Variants in BIRC6 observed in about 807,000 individuals in gnomAD.
BIRC6 encodes the protein dual E2 ubiquitin-conjugating enzyme/E3 ubiquitin-protein ligase BIRC6.
In BIRC6, 98 loss-of-function variants were observed where a neutral mutation model predicts 503.3. The ratio of observed to expected loss-of-function variants is 0.19; its 90% CI spans 0.17 to 0.23. The LOEUF is 0.23. Ranked by LOEUF, BIRC6 falls within the 10% of genes least tolerant of loss-of-function variation. The pLI, the probability that BIRC6 is intolerant of heterozygous loss-of-function variation, is 1.00. For missense variants in BIRC6, 5,360 were observed against 5,806.0 expected, an observed-to-expected ratio of 0.92 and a Z score of 2.50; for synonymous variants, 2,240 against 2,078.7, an observed-to-expected ratio of 1.08 and a Z score of -2.11.
intron 65 of BIRC6, among the ~76,000 whole-genome samples, chr2:32,554,275 TTA>T (rs2058636030): frequency 6.6e-6 from 1 of 152,156 alleles, no homozygotes. Context: ...AGTGGTCTTA[TTA>T]TATGGGGATG....
chr2:32,410,172 A>G (rs1387986900), intron 9 of BIRC6, among the ~76,000 whole-genome samples: 1 of 152,210 alleles, frequency 6.6e-6, no homozygotes, highest in African/African-American at 2.4e-5. Context: ...AAAACATTTA[A>G]GTAAATTTGT....
chr2:32,443,433 G>A, intron 19 of BIRC6, 58 bp from the exon 20 acceptor site: 1 of 1,197,478 alleles, frequency 8.4e-7, no homozygotes, highest in Non-Finnish European at 1.2e-6. Flanking sequence ...CCAGGTTTAG[G>A]GTTGAATTTA....
Position 32,499,787 on chromosome 2 carries a change from G to A in BIRC6, c.8709G>A (p.Pro2903=), listed in dbSNP as rs1022119641. 8.1e-6 allele frequency: 13 copies of A among 1,613,964 alleles called. No homozygotes were observed. Among genetic ancestry groups the A allele is most frequent in the African/African-American group, 4.0e-5 (3 of 75,032 alleles). ...GACTCTTTGCCAATCTTATTCGTCC[G>A]GGTGATGCAAAAGCAGTTTGTGGCG... ...FGGLFANLIR[P]GDAKAVCGEM... Residue 2903 remains proline, a synonymous_variant, in exon 46 of 74, where the codon CCG becomes CCA. Transcript: ENST00000421745.
intron 66 of BIRC6, among the ~76,000 whole-genome samples, chr2:32,583,680 A>G (rs1573187611): frequency 6.6e-6 from 1 of 152,186 alleles, no homozygotes; most frequent in African/African-American, 2.4e-5. Flanking sequence ...CATTAGTTTA[A>G]TAGCATTTTG....
At position 32,596,427 on chromosome 2, in the gene BIRC6, C is replaced by G. The variant is rs542354028; in HGVS notation, c.13612+1283C>G. On this transcript the variant is annotated intron_variant, in intron 68 of 73. Coordinates refer to ENST00000421745, the MANE Select transcript of BIRC6 (RefSeq NM_016252.4). ...CCCGGGAGGTGGAGGTTGCAGTGAG[C>G]TGAGACACTCCAGTCTGGGCGACAG... Among the ~76,000 whole-genome samples, 288 of 144,560 alleles carry G rather than the reference C, an allele frequency of 2.0e-3. 1 individual carries two copies. The highest frequency in any genetic ancestry group is 6.5e-3 in the African/African-American group (252 of 38,846). The allele number at this position is 144,560 out of a possible 152,430, so 94.8% of individuals were successfully genotyped here. A position where few individuals can be genotyped will look rare whatever the true frequency, so the allele number is the denominator to read the frequency against.
intron 70 of BIRC6, among the ~76,000 whole-genome samples, chr2:32,601,375 A>G (rs1312876926): frequency 6.6e-6 from 1 of 152,188 alleles, no homozygotes; most frequent in East Asian, 1.9e-4. Context: ...TGAGGTCGGG[A>G]GTTTTAGACC....
chr2:32,493,522 A>AAC lies in BIRC6; in HGVS notation c.8341-18_8341-17insAC. On this transcript the variant is annotated splice_polypyrimidine_tract_variant and intron_variant, in intron 44 of 73. Coordinates refer to ENST00000421745, the MANE Select transcript of BIRC6 (RefSeq NM_016252.4). The stretch of plus-strand genomic sequence containing the variant: ...GTTACCAGTAAGCAGTTTTCAGTGA[A>AAC]TATACATTTCTCTTTAGGTTGGTCC... 1 of 1,585,298 alleles carries AAC rather than the reference A, an allele frequency of 6.3e-7. No homozygotes were observed. Among genetic ancestry groups the AAC allele is most frequent in the African/African-American group, 1.3e-5 (1 of 74,514 alleles).
intron 15 of BIRC6, among the ~76,000 whole-genome samples, chr2:32,438,479 G>A (rs1384025727): frequency 6.6e-6 from 1 of 151,268 alleles, no homozygotes; most frequent in Non-Finnish European, 1.5e-5. Context: ...ATTAAGAAAT[G>A]TATTTTATAT....
intron 66 of BIRC6, among the ~76,000 whole-genome samples, chr2:32,590,486 T>G (rs1040365504): frequency 2.0e-5 from 3 of 152,226 alleles, no homozygotes; most frequent in Non-Finnish European, 4.4e-5. Context: ...TTAAGCTGTT[T>G]TCAGTTTTTG....
intron 39 of BIRC6, 92 bp from the exon 40 acceptor site, chr2:32,485,551 T>C (rs1274566865): frequency 1.3e-6 from 1 of 792,824 alleles, no homozygotes; most frequent in Non-Finnish European, 2.1e-6. Context: ...CTTCATCCTC[T>C]CTTGGGTTCA....
chr2:32,357,029 C>A lies in BIRC6; in HGVS notation c.-133C>A. The A allele has an allele frequency of 1.2e-6, 1 of 812,404 alleles. No homozygotes were observed. 50.3% of individuals were successfully genotyped at this position (812,404 alleles called of 1,614,324 possible). A position where few individuals can be genotyped will look rare whatever the true frequency, so the allele number is the denominator to read the frequency against. On this transcript the variant is annotated 5_prime_UTR_variant, in exon 1 of 74. Transcript: ENST00000421745. This position sits in a 1 kb window ranked among gnomAD's most constrained non-coding sequence, Gnocchi z 4.9. ...CCCGCGCCCCGGGCCCCGCCTCCCTCCCTGCTTCTCCCCCTCTCCCGTCAG... is the reference window on the plus strand; with the variant it reads ...CCCGCGCCCCGGGCCCCGCCTCCCTACCTGCTTCTCCCCCTCTCCCGTCAG...
Position 32,465,133 on chromosome 2 carries a change from C to A in BIRC6, c.5325C>A (p.His1775Gln). 6.2e-7 allele frequency: 1 copy of A among 1,600,134 alleles called. No homozygotes were observed. Among genetic ancestry groups the A allele is most frequent in the Non-Finnish European group, 8.5e-7 (1 of 1,171,140 alleles). ...HASHFLQPPPHQSIIIERMHS... is the reference protein window; with the variant it reads ...HASHFLQPPPQQSIIIERMHS... ...CACATTTTCTTCAACCTCCGCCTCA[C>A]CAGTCCATTATTATAGAGCGAATGC... Residue 1775 changes from histidine to glutamine, a missense_variant, in exon 26 of 74, where the codon CAC becomes CAA. Physicochemically the swap from His to Gln is conservative, Grantham distance 24 (BLOSUM62 0). This residue lies in a region of BIRC6 where 2,299 missense variants were observed against 2,267.2 expected (regional missense o/e 1.01). Transcript: ENST00000421745.
chr2:32,511,624 C>A (rs912678588), intron 53 of BIRC6, among the ~76,000 whole-genome samples: 1 of 151,710 alleles, frequency 6.6e-6, no homozygotes, highest in African/African-American at 2.4e-5. Flanking sequence ...GCCACCGCAC[C>A]CGGCCAACTT....
intron 65 of BIRC6, among the ~76,000 whole-genome samples, chr2:32,559,530 TTA>T (rs2059009395): frequency 6.6e-6 from 1 of 152,174 alleles, no homozygotes; most frequent in Admixed American, 6.5e-5. Flanking sequence ...GAAGTAGTTT[TTA>T]TGTTGTTTTG....
In BIRC6 at chr2:32,543,380, A is replaced by G. The variant is rs773185622; in HGVS notation, c.12431A>G (p.Lys4144Arg). 2.5e-6 allele frequency: 4 copies of G among 1,613,926 alleles called. No individual in the cohort carries two copies. In the Admixed American group the frequency reaches 5.0e-5, roughly 20 times the overall value. ...ETVAAEPPPI[K>R]SAVQTMSPIP... is the part of the protein sequence containing the mutation. ...GTTGCGGCTGAACCTCCACCTATCA[A>G]GTCAGCAGTACAGACCATGTCTCCC... Residue 4144 changes from lysine (K) to arginine (R), a missense_variant, in exon 62 of 74, where the codon AAG (lysine) becomes AGG (arginine). Around this residue, in one of 16 missense-constraint regions of BIRC6, gnomAD observed 477 missense variants for 574.4 expected, o/e 0.83. Transcript: ENST00000421745.
At chr2:32,583,818 C>A (rs1274305377) in intron 66 of BIRC6, among the ~76,000 whole-genome samples, 1 of 152,198 alleles carries the variant, frequency 6.6e-6, no homozygotes, top group African/African-American at 2.4e-5. Context: ...GCAGCCTCCA[C>A]CTCCTGGGTT....
intron 10 of BIRC6, among the ~76,000 whole-genome samples, chr2:32,423,780 A>C (rs1240982854): frequency 6.6e-6 from 1 of 152,112 alleles, no homozygotes; most frequent in African/African-American, 2.4e-5. Flanking sequence ...GATAATTATT[A>C]AATTACTCAC....
intron 23 of BIRC6, among the ~76,000 whole-genome samples, chr2:32,458,401 C>T (rs1461726267): frequency 6.6e-6 from 1 of 152,088 alleles, no homozygotes; most frequent in Non-Finnish European, 1.5e-5. Context: ...ATTTTGTCTC[C>T]TGTCTTTTTG....
chr2:32,421,148 C>T (rs1341518601), intron 10 of BIRC6, among the ~76,000 whole-genome samples: 1 of 149,426 alleles, frequency 6.7e-6, no homozygotes, highest in Non-Finnish European at 1.5e-5. Flanking sequence ...TTCACTGTCG[C>T]CAGGCTGGAC....
Sources: allele counts gnomAD v4.1 joint callset (sites outside exome capture counted in the v4.1 genomes callset), GRCh38; gene constraint gnomAD v4.1.1; regional missense constraint gnomAD v4.1.1; non-coding constraint Gnocchi (gnomAD v3.1); transcripts MANE v1.5; gene names NCBI Gene and HGNC (gene_info 2026-07-23, HGNC 2026-07-21).